Variants in RPSA2 observed in about 807,000 individuals in gnomAD.
RPSA2 encodes the protein ribosomal protein SA 2.
At chr19:23,845,811 T>C in the RPSA2 span, among the ~76,000 whole-genome samples, 4 of 152,208 alleles carry the variant, frequency 2.6e-5, no homozygotes, top group East Asian at 7.8e-4. Context: ...AATTACTTCA[T>C]TTACAGTGAC....
chr19:23,832,516 T>C, the RPSA2 span: 1 of 624,322 alleles, frequency 1.6e-6, no homozygotes, highest in Non-Finnish European at 2.6e-6. Flanking sequence ...CAAACCTTAC[T>C]ATATATAAGA....
At chr19:23,779,418 TCTC>T in the RPSA2 span, among the ~76,000 whole-genome samples, 2 of 152,186 alleles carry the variant, frequency 1.3e-5, no homozygotes, top group African/African-American at 4.8e-5. Flanking sequence ...GATACTGTCT[TCTC>T]CTGCCTGGAC....
At chr19:23,783,501 C>T in the RPSA2 span, among the ~76,000 whole-genome samples, 1 of 138,828 alleles carries the variant, frequency 7.2e-6, no homozygotes, top group Non-Finnish European at 1.5e-5. Context: ...CATTCATTAT[C>T]TTGGTGATGT....
chr19:23,766,253 A>G, the RPSA2 span, among the ~76,000 whole-genome samples: 2 of 144,884 alleles, frequency 1.4e-5, no homozygotes, highest in African/African-American at 5.1e-5. Flanking sequence ...CCCAGGTTCG[A>G]GTGATTCTCC....
At chr19:23,835,615 GT>G in the RPSA2 span, among the ~76,000 whole-genome samples, 147,157 of 151,232 alleles carry the variant, frequency 0.97, 71,699 homozygotes, top group East Asian at 1. Flanking sequence ...TTGTTTAATA[GT>G]TTTTTTTTTT....
chr19:23,798,399 C>G, the RPSA2 span, among the ~76,000 whole-genome samples: 1 of 152,072 alleles, frequency 6.6e-6, no homozygotes, highest in African/African-American at 2.4e-5. Flanking sequence ...ACCTTGGTTT[C>G]TATTTATTAC....
chr19:23,825,652 TCTC>T, the RPSA2 span, among the ~76,000 whole-genome samples: 1 of 152,156 alleles, frequency 6.6e-6, no homozygotes, highest in Non-Finnish European at 1.5e-5. Context: ...AATGGCGCGA[TCTC>T]AGCTCACTGC....
At chr19:23,791,549 CAT>C in the RPSA2 span, among the ~76,000 whole-genome samples, 4 of 152,106 alleles carry the variant, frequency 2.6e-5, no homozygotes, top group African/African-American at 7.2e-5. Context: ...GAATTTTTCA[CAT>C]GTGTGCCAAG....
chr19:23,827,857 T>G, the RPSA2 span: 4 of 1,224,858 alleles, frequency 3.3e-6, no homozygotes, highest in Non-Finnish European at 4.7e-6. Context: ...GTGAATGGAC[T>G]GCTCCCTCTC....
At chr19:23,802,808 T>C in the RPSA2 span, among the ~76,000 whole-genome samples, 1 of 152,222 alleles carries the variant, frequency 6.6e-6, no homozygotes, top group Non-Finnish European at 1.5e-5. Flanking sequence ...GATTTAATTA[T>C]GCATCATATG....
At chr19:23,846,086 A>T in the RPSA2 span, among the ~76,000 whole-genome samples, 1 of 152,102 alleles carries the variant, frequency 6.6e-6, no homozygotes, top group Non-Finnish European at 1.5e-5. Flanking sequence ...CTCTTTCTAT[A>T]GGTTTAATAA....
chr19:23,782,646 T>A, the RPSA2 span: 1 of 152,222 alleles, frequency 6.6e-6, no homozygotes, highest in Non-Finnish European at 1.5e-5. Context: ...CACTGTGATA[T>A]ATGTTTGGGC....
chr19:23,791,181 A>G, the RPSA2 span, among the ~76,000 whole-genome samples: 1 of 152,180 alleles, frequency 6.6e-6, no homozygotes, highest in Non-Finnish European at 1.5e-5. Context: ...TAGAGCACCC[A>G]GCTATGGTTT....
At chr19:23,788,997 T>G in the RPSA2 span, among the ~76,000 whole-genome samples, 1 of 144,440 alleles carries the variant, frequency 6.9e-6, no homozygotes, top group South Asian at 2.3e-4. Flanking sequence ...TGGCCTGTGC[T>G]CATCTTTTCT....
chr19:23,814,216 T>TAA, the RPSA2 span, among the ~76,000 whole-genome samples: 135,861 of 143,694 alleles, frequency 0.95, 64,393 homozygotes, highest in South Asian at 0.99. Flanking sequence ...CATTTCAAAA[T>TAA]AAAAAAAAAA....
At chr19:23,836,225 A>G in the RPSA2 span, among the ~76,000 whole-genome samples, 1 of 152,120 alleles carries the variant, frequency 6.6e-6, no homozygotes, top group African/African-American at 2.4e-5. Context: ...TACCTCCCAC[A>G]TATCAGTGAG....
At chr19:23,761,435 T>G in the RPSA2 span, among the ~76,000 whole-genome samples, 20 of 152,272 alleles carry the variant, frequency 1.3e-4, no homozygotes, top group African/African-American at 4.8e-4. Flanking sequence ...GTTGTGCCAC[T>G]GCATTCCAGC....
the RPSA2 span, among the ~76,000 whole-genome samples, chr19:23,829,397 G>A: frequency 3.9e-5 from 6 of 152,166 alleles, no homozygotes; most frequent in Non-Finnish European, 8.8e-5. Context: ...CGCCTCCTGG[G>A]TTCAAGCAAT....
chr19:23,817,427 A>G, the RPSA2 span, among the ~76,000 whole-genome samples: 4 of 152,228 alleles, frequency 2.6e-5, no homozygotes, highest in Non-Finnish European at 4.4e-5. Flanking sequence ...ATTTATTAAC[A>G]TATTTATGCA....
Sources: allele counts gnomAD v4.1 joint callset (sites outside exome capture counted in the v4.1 genomes callset), GRCh38; gene constraint gnomAD v4.1.1; transcripts MANE v1.5; gene names NCBI Gene and HGNC (gene_info 2026-07-23, HGNC 2026-07-21).